Variants in SVEP1 observed in about 807,000 individuals in gnomAD.
The protein encoded by SVEP1 is sushi, von Willebrand factor type A, EGF and pentraxin domain containing 1.
In SVEP1, 164 loss-of-function variants were observed where a neutral mutation model predicts 367.3. The observed-to-expected ratio is 0.45, with a 90% CI of 0.39 to 0.51. SVEP1 has a LOEUF of 0.51. SVEP1 is among the 20% of genes least tolerant of loss of function. The pLI is 0.00. For synonymous variants in SVEP1, 1,666 were observed against 1,611.6 expected, an observed-to-expected ratio of 1.03 and a Z score of -0.81; for missense variants, 4,117 against 4,425.3, an observed-to-expected ratio of 0.93 and a Z score of 1.98.
At chr9:110,515,369 C>T (rs568274055) in intron 3 of SVEP1, among the ~76,000 whole-genome samples, 4 of 145,438 alleles carry the variant, frequency 2.8e-5, no homozygotes, top group South Asian at 2.2e-4. Flanking sequence ...GGTGCGGTCT[C>T]GGCTCACTGC....
chr9:110,387,376 A>G lies in SVEP1; in HGVS notation c.9969T>C (p.Tyr3323=), dbSNP rs757138069. 1.9e-6 allele frequency: 3 copies of G among 1,613,664 alleles called. No individual in the cohort carries two copies. Among genetic ancestry groups the G allele is most frequent in the Admixed American group, 3.3e-5 (2 of 59,894 alleles). ...CAAGACTGTAGCCTCTGTTGCAGGAATATACCACGTTGGGTCCAGTCGTCC... is the reference window on the plus strand; with the variant it reads ...CAAGACTGTAGCCTCTGTTGCAGGAGTATACCACGTTGGGTCCAGTCGTCC... ...ENRTTGPNVV[Y]SCNRGYSLEG... The change falls in exon 42 of 48, where the codon TAT becomes TAC. Residue 3323 remains tyrosine (Y), a synonymous_variant. Coordinates refer to ENST00000374469, the MANE Select transcript of SVEP1 (RefSeq NM_153366.4).
At chr9:110,551,559 C>T (rs958526884) in intron 1 of SVEP1, among the ~76,000 whole-genome samples, 1 of 152,152 alleles carries the variant, frequency 6.6e-6, no homozygotes, top group Non-Finnish European at 1.5e-5. Context: ...TGGGACCACA[C>T]CAAAGACAGG....
chr9:110,576,136 A>G (rs930821460), intron 1 of SVEP1, among the ~76,000 whole-genome samples: 1 of 152,200 alleles, frequency 6.6e-6, no homozygotes, highest in Non-Finnish European at 1.5e-5. Flanking sequence ...TGGCACTTCA[A>G]GAATTTGCCT....
rs1421757856 is a variant in SVEP1 at position 110,375,431 on chromosome 9, G to A, written c.10537C>T (p.Arg3513Cys). The A allele has an allele frequency of 8.4e-6, 11 of 1,301,944 alleles. No individual in the cohort carries two copies. The highest frequency in any genetic ancestry group is 3.2e-5 in the African/African-American group (2 of 61,916). The allele number at this position is 1,301,944 out of a possible 1,614,324, so 80.6% of individuals were successfully genotyped here. A position where few individuals can be genotyped will look rare whatever the true frequency, so the allele number is the denominator to read the frequency against. ...ICILPCLNGG[R>C]CVAPYQCDCP... ...TCACACTGGTAAGGGGCCACACAGC[G>A]ACCTCCGTTCAGACAGGGAAGAATG... Residue 3513 changes from arginine to cysteine, a missense_variant, in exon 46 of 48, where the codon CGC becomes TGC. Physicochemically the swap from Arg to Cys is radical, Grantham distance 180. Transcript: ENST00000374469.
chr9:110,367,522 G>C (rs1031459952), intron 47 of SVEP1, among the ~76,000 whole-genome samples: 1 of 152,034 alleles, frequency 6.6e-6, no homozygotes. Flanking sequence ...AAACTTATAC[G>C]GTAACATTTA....
intron 3 of SVEP1, among the ~76,000 whole-genome samples, chr9:110,529,448 G>A (rs1325290762): frequency 6.6e-6 from 1 of 152,014 alleles, no homozygotes; most frequent in African/African-American, 2.4e-5. Context: ...ACATTACATT[G>A]AGCAATATGG....
rs1253604337 is a variant in SVEP1, at chr9:110,407,175, C to T, written c.8425G>A (p.Gly2809Ser). 9 of 1,613,886 alleles carry T rather than the reference C, an allele frequency of 5.6e-6. No individual in the cohort carries two copies. The East Asian group carries it at 2.0e-4, about 36-fold the overall frequency. ...TCCTGGCATGTTCTCCTCTCAGTGC[C>T]ATTCAGCACATATCCGGGGTCACAC... ...YECDPGYVLN[G>S]TERRTCQDDK... The change falls in exon 38 of 48, where the codon GGC becomes AGC. Residue 2809 changes from glycine (G) to serine (S), a missense_variant. Gly to Ser is a moderately conservative substitution (Grantham distance 56). This residue lies in a region of SVEP1 where 1,765 missense variants were observed against 1,781.1 expected (regional missense o/e 0.99). Coordinates refer to ENST00000374469, the MANE Select transcript of SVEP1 (RefSeq NM_153366.4).
intron 24 of SVEP1, 72 bp from the exon 25 acceptor site, chr9:110,447,129 C>A: frequency 7.9e-7 from 1 of 1,271,466 alleles, no homozygotes; most frequent in South Asian, 2.6e-5. Context: ...AATCTTATCT[C>A]GAAAGACTTT....
At chr9:110,392,401 C>T (rs371758466) in intron 40 of SVEP1, among the ~76,000 whole-genome samples, 52 of 151,978 alleles carry the variant, frequency 3.4e-4, no homozygotes, top group East Asian at 3.1e-3. Flanking sequence ...TGATAATTTC[C>T]GTATTCATTT....
chr9:110,551,298 T>A (rs564918050), intron 1 of SVEP1, among the ~76,000 whole-genome samples: 1 of 152,360 alleles, frequency 6.6e-6, no homozygotes, highest in Non-Finnish European at 1.5e-5. Flanking sequence ...ATGAGATTCA[T>A]GTCCGTAGAA....
intron 1 of SVEP1, among the ~76,000 whole-genome samples, chr9:110,553,794 T>C (rs1480348814): frequency 2.0e-5 from 3 of 152,148 alleles, no homozygotes. Flanking sequence ...TAATAAATAT[T>C]TGTCACTAAG....
chr9:110,398,186 T>C (rs1262630778), intron 40 of SVEP1, among the ~76,000 whole-genome samples: 4 of 152,132 alleles, frequency 2.6e-5, no homozygotes, highest in Non-Finnish European at 5.9e-5. Context: ...GAAATTATGC[T>C]GCATATCTAC....
intron 11 of SVEP1, among the ~76,000 whole-genome samples, chr9:110,481,904 G>A (rs540739315): frequency 6.6e-6 from 1 of 152,068 alleles, no homozygotes; most frequent in African/African-American, 2.4e-5. Flanking sequence ...GTAGAGACAG[G>A]GTTTCACTAC....
chr9:110,505,877 G>A (rs575529176), intron 5 of SVEP1, among the ~76,000 whole-genome samples: 1 of 150,952 alleles, frequency 6.6e-6, no homozygotes, highest in Admixed American at 6.6e-5. Context: ...ATGCAGGTGT[G>A]TTACATAGGT....
intron 13 of SVEP1, among the ~76,000 whole-genome samples, chr9:110,478,011 A>G (rs944235978): frequency 6.6e-6 from 1 of 152,066 alleles, no homozygotes; most frequent in Non-Finnish European, 1.5e-5. Context: ...CCTCTTCCAC[A>G]TGTAATCTTT....
chr9:110,503,856 T>C (rs1318894703), intron 5 of SVEP1, among the ~76,000 whole-genome samples: 1 of 152,134 alleles, frequency 6.6e-6, no homozygotes, highest in Non-Finnish European at 1.5e-5. Flanking sequence ...TTTGCTGCTG[T>C]GGTAGAGGCT....
chr9:110,564,787 T>C (rs551635720), intron 1 of SVEP1, among the ~76,000 whole-genome samples: 51 of 128,148 alleles, frequency 4.0e-4, no homozygotes, highest in Non-Finnish European at 7.7e-4. Flanking sequence ...CTTTGATTCA[T>C]AGATCAGAAG....
intron 26 of SVEP1, among the ~76,000 whole-genome samples, chr9:110,445,591 T>A (rs1455762433): frequency 6.6e-6 from 1 of 152,206 alleles, no homozygotes; most frequent in Non-Finnish European, 1.5e-5. Flanking sequence ...TCATTGTGAC[T>A]ATCAGATGAA....
At position 110,411,313 on chromosome 9, in the gene SVEP1, T is replaced by C. The variant is rs1167766561; in HGVS notation, c.6398A>G (p.Asn2133Ser). 1 of 1,614,028 alleles carries C rather than the reference T, an allele frequency of 6.2e-7. No individual in the cohort carries two copies. ...KIECMRGGQW[N>S]PSPMSIQCIP... ...GCACTGGATGGACATGGGGGAAGGG[T>C]TCCACTGCCCACCTCTCATACATTC... is the stretch of plus-strand genomic sequence containing the variant. Residue 2133 changes from asparagine to serine, a missense_variant, in exon 37 of 48, where the codon AAC (asparagine) becomes AGC (serine). By Grantham distance (46) the Asn-to-Ser change is conservative. This residue lies in a region of SVEP1 where 1,765 missense variants were observed against 1,781.1 expected (regional missense o/e 0.99). Coordinates refer to ENST00000374469, the MANE Select transcript of SVEP1 (RefSeq NM_153366.4).
Sources: gnomAD v4.1 joint callset for allele counts (sites outside exome capture counted in the v4.1 genomes callset) on GRCh38, gnomAD v4.1.1 for gene constraint, gnomAD v4.1.1 regional missense constraint, MANE v1.5 for transcripts, NCBI Gene and HGNC (gene_info 2026-07-23, HGNC 2026-07-21) for gene names.